Variants in MECOM observed in about 807,000 individuals in gnomAD.
MECOM encodes the protein histone-lysine N-methyltransferase MECOM.
A neutral mutation model predicts 116.3 loss-of-function variants in MECOM; 13 were observed. The observed-to-expected ratio is 0.11, with a 90% CI of 0.07 to 0.18. The LOEUF (loss-of-function observed/expected upper bound fraction) is 0.18. Among genes scored for constraint, MECOM ranks in the 10% least tolerant of loss-of-function variants. The pLI is 1.00. For missense variants in MECOM, 1,299 were observed against 1,509.0 expected, an observed-to-expected ratio of 0.86 and a Z score of 2.31; for synonymous variants, 528 against 535.2, an observed-to-expected ratio of 0.99 and a Z score of 0.19.
chr3:169,435,149 C>A (rs1742432851), intron 1 of MECOM, among the ~76,000 whole-genome samples: 1 of 152,168 alleles, frequency 6.6e-6, no homozygotes, highest in African/African-American at 2.4e-5. Flanking sequence ...CAATGATGGT[C>A]TTTTTCTATA....
intron 2 of MECOM, among the ~76,000 whole-genome samples, chr3:169,217,683 C>G (rs1209554269): frequency 6.6e-6 from 1 of 151,918 alleles, no homozygotes; most frequent in Non-Finnish European, 1.5e-5. Context: ...ACTTGGGAGG[C>G]TGAGGCAGCA....
intron 1 of MECOM, among the ~76,000 whole-genome samples, chr3:169,585,654 G>T (rs560099493): frequency 6.6e-6 from 1 of 152,310 alleles, no homozygotes; most frequent in African/African-American, 2.4e-5. Context: ...GGACCGCAGA[G>T]GTTGTTAACT....
intron 2 of MECOM, among the ~76,000 whole-genome samples, chr3:169,378,982 T>A (rs1181458194): frequency 6.6e-6 from 1 of 151,468 alleles, no homozygotes; most frequent in Non-Finnish European, 1.5e-5. Context: ...AAAAGAGAGG[T>A]CACACTAGTT....
intron 13 of MECOM, among the ~76,000 whole-genome samples, chr3:169,094,119 T>C (rs1427771558): frequency 6.6e-6 from 1 of 152,174 alleles, no homozygotes; most frequent in African/African-American, 2.4e-5. Context: ...AATTGCTGAC[T>C]TTGAGGGAGA....
intron 1 of MECOM, among the ~76,000 whole-genome samples, chr3:169,390,007 C>T (rs968618319): frequency 2.6e-5 from 4 of 152,090 alleles, no homozygotes; most frequent in Admixed American, 6.5e-5. Flanking sequence ...GTAAACTATG[C>T]CATTTGCATT....
At chr3:169,088,912 G>T in intron 16 of MECOM, 88 bp downstream of exon 16, 1 of 1,148,504 alleles carries the variant, frequency 8.7e-7, no homozygotes. Flanking sequence ...ATATTTCAAA[G>T]ATAGAATATT....
At chr3:169,583,406 A>C (rs950399750) in intron 1 of MECOM, among the ~76,000 whole-genome samples, 8 of 152,162 alleles carry the variant, frequency 5.3e-5, no homozygotes, top group Admixed American at 4.6e-4. Context: ...ACTCCCAAAA[A>C]CCTGAAATCC....
intron 2 of MECOM, among the ~76,000 whole-genome samples, chr3:169,345,439 C>T (rs565700658): frequency 1.2e-4 from 18 of 152,186 alleles, no homozygotes; most frequent in African/African-American, 3.6e-4. Flanking sequence ...ACTTTATGTG[C>T]GTTCATAATA....
intron 2 of MECOM, among the ~76,000 whole-genome samples, chr3:169,256,343 GA>G (rs202230592): frequency 1.0e-3 from 132 of 127,432 alleles, no homozygotes; most frequent in East Asian, 1.4e-3. Flanking sequence ...ATTCAAACAA[GA>G]AAAAAAAAAA....
At chr3:169,637,874 T>C (rs1410054485) in intron 1 of MECOM, among the ~76,000 whole-genome samples, 3 of 152,208 alleles carry the variant, frequency 2.0e-5, no homozygotes, top group Non-Finnish European at 4.4e-5. Flanking sequence ...GTAATGAGTA[T>C]GCAACTGGGG....
intron 2 of MECOM, among the ~76,000 whole-genome samples, chr3:169,248,979 G>A (rs989874913): frequency 7.2e-5 from 11 of 152,048 alleles, no homozygotes; most frequent in Admixed American, 4.6e-4. Context: ...TTACAAGTAC[G>A]TTCATCTCTC....
intron 1 of MECOM, among the ~76,000 whole-genome samples, chr3:169,557,087 G>A (rs141293421): frequency 2.0e-4 from 30 of 152,144 alleles, no homozygotes; most frequent in Non-Finnish European, 3.1e-4. Flanking sequence ...CTCTCAGGCC[G>A]GAAATGCTGC....
At chr3:169,276,395 T>A (rs747997606) in intron 2 of MECOM, among the ~76,000 whole-genome samples, 9 of 151,698 alleles carry the variant, frequency 5.9e-5, no homozygotes, top group Non-Finnish European at 1.3e-4. Context: ...CTATTAAAAA[T>A]AGAAAAAATT....
At chr3:169,382,631 C>A in intron 1 of MECOM, among the ~76,000 whole-genome samples, 1 of 151,882 alleles carries the variant, frequency 6.6e-6, no homozygotes, top group South Asian at 2.1e-4. Flanking sequence ...AAGGAAGGAA[C>A]TAAGAAAAAC....
chr3:169,662,737 A>G (rs953539996), intron 1 of MECOM, among the ~76,000 whole-genome samples: 4 of 151,624 alleles, frequency 2.6e-5, no homozygotes, highest in Non-Finnish European at 4.4e-5. Context: ...CGCAACTTCC[A>G]GCGGCCGCCT....
At chr3:169,263,129 G>A (rs1449497547) in intron 2 of MECOM, among the ~76,000 whole-genome samples, 11 of 26,280 alleles carry the variant, frequency 4.2e-4, no homozygotes, top group African/African-American at 5.0e-4. Flanking sequence ...ATATATATAT[G>A]TTTTTTTTTT....
intron 1 of MECOM, among the ~76,000 whole-genome samples, chr3:169,663,099 C>G (rs956807695): frequency 4.3e-5 from 6 of 140,200 alleles, no homozygotes; most frequent in African/African-American, 1.5e-4. Flanking sequence ...CACAGCTGGT[C>G]GGTGCGCGGG....
chr3:169,523,910 CAT>C (rs943245465), intron 1 of MECOM, among the ~76,000 whole-genome samples: 2 of 147,254 alleles, frequency 1.4e-5, no homozygotes, highest in South Asian at 4.3e-4. Context: ...CCTGTATATG[CAT>C]ATATATGTGT....
intron 2 of MECOM, among the ~76,000 whole-genome samples, chr3:169,304,000 G>A (rs1010764315): frequency 6.6e-6 from 1 of 152,194 alleles, no homozygotes; most frequent in African/African-American, 2.4e-5. Context: ...TGAATTTTAA[G>A]TCCAAGTGAC....
Sources: gnomAD v4.1 joint callset for allele counts (sites outside exome capture counted in the v4.1 genomes callset) on GRCh38, gnomAD v4.1.1 for gene constraint, MANE v1.5 for transcripts, NCBI Gene and HGNC (gene_info 2026-07-23, HGNC 2026-07-21) for gene names.